Variants in RPS6KC1 observed in about 807,000 individuals in gnomAD.
RPS6KC1 encodes the protein inactive ribosomal protein S6 kinase delta-1.
Under a neutral mutation model 103.8 loss-of-function variants are expected in RPS6KC1, and 54 were observed. The ratio of observed to expected loss-of-function variants is 0.52; its 90% CI spans 0.42 to 0.65. The LOEUF (loss-of-function observed/expected upper bound fraction) is 0.65. Among genes scored for constraint, RPS6KC1 ranks in the 30% least tolerant of loss-of-function variants. The probability of loss-of-function intolerance (pLI) is 0.00; values close to 1 mark genes in which losing one functional copy is unlikely to be tolerated. For missense variants in RPS6KC1, 1,151 were observed against 1,253.8 expected (o/e 0.92, Z 1.24); for synonymous variants, 439 against 438.7 (o/e 1.00, Z -0.01).
At chr1:213,363,798 CTTTCTTTCTTTCTTTCT>C in the RPS6KC1 span, among the ~76,000 whole-genome samples, 66 of 83,614 alleles carry the variant, frequency 7.9e-4, 12 homozygotes, top group African/African-American at 1.3e-3. Flanking sequence ...TTCTTTCTTT[CTTTCTTTCTTTCTTTCT>C]TCTCTCTTTT....
At chr1:213,745,973 T>C in the RPS6KC1 span, among the ~76,000 whole-genome samples, 1 of 152,198 alleles carries the variant, frequency 6.6e-6, no homozygotes, top group East Asian at 1.9e-4. Context: ...TTCTATCTAC[T>C]ATATCTGATT....
the RPS6KC1 span, among the ~76,000 whole-genome samples, chr1:213,728,184 G>A: frequency 6.6e-6 from 1 of 151,964 alleles, no homozygotes; most frequent in Non-Finnish European, 1.5e-5. Context: ...GAAAGAGTGA[G>A]ATAAACCCGC....
chr1:213,796,694 C>A, the RPS6KC1 span, among the ~76,000 whole-genome samples: 1 of 152,144 alleles, frequency 6.6e-6, no homozygotes, highest in African/African-American at 2.4e-5. Flanking sequence ...ATATTAAACC[C>A]ATTCACACAG....
the RPS6KC1 span, among the ~76,000 whole-genome samples, chr1:213,666,536 A>G: frequency 1.3e-5 from 2 of 152,200 alleles, no homozygotes; most frequent in East Asian, 3.8e-4. Context: ...TTTGATACAT[A>G]CTAATGTTTA....
intron 6 of RPS6KC1, among the ~76,000 whole-genome samples, chr1:213,164,730 C>G (rs1166883259): frequency 6.6e-6 from 1 of 151,912 alleles, no homozygotes; most frequent in Non-Finnish European, 1.5e-5. Context: ...GCCTGGCTGA[C>G]TTTTGTATTT....
rs1254595206 is a variant in RPS6KC1, at chr1:213,241,243, C to T, written c.1767C>T (p.Ser589=). The change falls in exon 11 of 15, where the codon TCC becomes TCT. Residue 589 remains serine, a synonymous_variant. Transcript: ENST00000366960. ...EAVSSPRTSD[S]LSRSKNSPME... ...TTAGTTCTCCAAGAACATCAGATTC[C>T]CTCAGTAGATCAAAAAATAGCCCCA... 3.1e-6 allele frequency: 5 copies of T among 1,613,688 alleles called. No homozygotes were observed. Among genetic ancestry groups the T allele is most frequent in the Non-Finnish European group, 3.4e-6 (4 of 1,179,906 alleles).
chr1:213,356,703 A>G, the RPS6KC1 span, among the ~76,000 whole-genome samples: 1 of 152,140 alleles, frequency 6.6e-6, no homozygotes, highest in Admixed American at 6.5e-5. Flanking sequence ...AACGTCATAG[A>G]CATGTCTGCT....
the RPS6KC1 span, among the ~76,000 whole-genome samples, chr1:213,545,438 AG>A: frequency 1.4e-5 from 2 of 147,090 alleles, no homozygotes; most frequent in African/African-American, 2.5e-5. Context: ...AATAAAAGAG[AG>A]AGAGAGAGAG....
At chr1:213,431,562 G>T in the RPS6KC1 span, among the ~76,000 whole-genome samples, 1 of 151,894 alleles carries the variant, frequency 6.6e-6, no homozygotes, top group African/African-American at 2.4e-5. Flanking sequence ...TTTATTCCAT[G>T]AGCATTATGT....
the RPS6KC1 span, among the ~76,000 whole-genome samples, chr1:213,728,940 T>TTTTG: frequency 1.0e-5 from 1 of 96,312 alleles, no homozygotes; most frequent in Non-Finnish European, 2.0e-5. Context: ...CATGAGGGTT[T>TTTTG]TTTTTTTGTT....
intron 6 of RPS6KC1, among the ~76,000 whole-genome samples, chr1:213,131,586 G>A (rs2085626387): frequency 6.6e-6 from 1 of 152,068 alleles, no homozygotes; most frequent in Non-Finnish European, 1.5e-5. Context: ...TGGGACTATA[G>A]GTGTGTGCCA....
At chr1:213,441,983 A>G in the RPS6KC1 span, among the ~76,000 whole-genome samples, 1 of 152,196 alleles carries the variant, frequency 6.6e-6, no homozygotes, top group Non-Finnish European at 1.5e-5. Flanking sequence ...TAAACTTTCA[A>G]TTTTCAATTT....
intron 8 of RPS6KC1, among the ~76,000 whole-genome samples, chr1:213,220,981 A>G (rs868303203): frequency 5.9e-5 from 9 of 152,076 alleles, no homozygotes; most frequent in East Asian, 1.9e-4. Flanking sequence ...CTCAAAGTCT[A>G]TTTTCTCATG....
At chr1:213,465,830 C>T in the RPS6KC1 span, among the ~76,000 whole-genome samples, 1 of 152,106 alleles carries the variant, frequency 6.6e-6, no homozygotes, top group African/African-American at 2.4e-5. Flanking sequence ...AGAGACTCTC[C>T]TAGGCCCCTT....
the RPS6KC1 span, among the ~76,000 whole-genome samples, chr1:213,553,568 T>C: frequency 2.0e-5 from 3 of 152,342 alleles, no homozygotes; most frequent in East Asian, 5.8e-4. Context: ...TTTTAAGTTC[T>C]TTGAGAAATT....
chr1:213,523,355 A>G, the RPS6KC1 span, among the ~76,000 whole-genome samples: 6 of 152,378 alleles, frequency 3.9e-5, no homozygotes, highest in South Asian at 1.2e-3. Context: ...TTAAAATGTT[A>G]GAATTATCAA....
Position 213,230,486 on chromosome 1 carries a change from C to T in RPS6KC1, c.1045-11C>T, listed in dbSNP as rs201214518. 213 of 1,577,312 alleles carry T rather than the reference C, an allele frequency of 1.4e-4. No homozygotes were observed. In the East Asian group the frequency reaches 4.6e-3, roughly 34 times the overall value. On this transcript the variant is annotated splice_polypyrimidine_tract_variant and intron_variant, in intron 8 of 14. Coordinates refer to ENST00000366960, the MANE Select transcript of RPS6KC1 (RefSeq NM_012424.6). ...ATTGTTAATAAATTATTACTCGTGT[C>T]TTTTATGTAGGTTTTACTTGTAATG...
the RPS6KC1 span, among the ~76,000 whole-genome samples, chr1:213,438,370 T>G: frequency 3.9e-5 from 6 of 152,152 alleles, no homozygotes; most frequent in African/African-American, 1.4e-4. Context: ...ATATGAAAAA[T>G]CATGAGTTTC....
At chr1:213,834,891 T>C in the RPS6KC1 span, among the ~76,000 whole-genome samples, 1 of 152,196 alleles carries the variant, frequency 6.6e-6, no homozygotes, top group Non-Finnish European at 1.5e-5. Context: ...TACGTAGGGC[T>C]GGGGAAATCG....
Sources: allele counts gnomAD v4.1 joint callset (sites outside exome capture counted in the v4.1 genomes callset), GRCh38; gene constraint gnomAD v4.1.1; transcripts MANE v1.5; gene names NCBI Gene and HGNC (gene_info 2026-07-23, HGNC 2026-07-21).